Variants in NTRK3 observed in about 807,000 individuals in gnomAD.
NTRK3 encodes the protein NT-3 growth factor receptor.
A neutral mutation model predicts 91.7 loss-of-function variants in NTRK3; 24 were observed. The ratio of observed to expected loss-of-function variants is 0.26; its 90% CI spans 0.19 to 0.37. The LOEUF (loss-of-function observed/expected upper bound fraction) is 0.37, where lower values mean the gene tolerates loss of function less well. Ranked by LOEUF, NTRK3 falls within the 10% of genes least tolerant of loss-of-function variation. NTRK3 has a pLI of 1.00. For synonymous variants in NTRK3, 483 were observed against 404.0 expected (o/e 1.20, Z -2.34); for missense variants, 880 against 1,068.9 (o/e 0.82, Z 2.46).
chr15:88,081,110 G>A (rs1324461364), intron 13 of NTRK3, among the ~76,000 whole-genome samples: 3 of 152,150 alleles, frequency 2.0e-5, no homozygotes, highest in African/African-American at 7.2e-5. Context: ...CAGCTGCTTG[G>A]GTTGGAAAGA....
chr15:87,940,883 G>A, intron 14 of NTRK3, 130 bp from the exon 15 acceptor site: 1 of 1,203,084 alleles, frequency 8.3e-7, no homozygotes, highest in African/African-American at 1.5e-5. Context: ...GCAAACTCTA[G>A]CACACCAGCT....
chr15:87,990,705 CA>C (rs926774245), intron 14 of NTRK3, among the ~76,000 whole-genome samples: 1 of 152,144 alleles, frequency 6.6e-6, no homozygotes, highest in African/African-American at 2.4e-5. Flanking sequence ...CCTGTCTCTT[CA>C]ACATCTTCTG....
chr15:87,958,333 C>A lies in NTRK3; in HGVS notation c.1586-17580G>T, dbSNP rs146840615. On this transcript the variant is annotated intron_variant, in intron 14 of 18. Coordinates refer to ENST00000394480, the Ensembl canonical transcript of NTRK3. Reference sequence around the variant, plus strand: ...ACCTCAACTCTGAGCATCCTTAGGACGGAATGTCTATTCAGGGTGGAGCTC... The same window carrying A: ...ACCTCAACTCTGAGCATCCTTAGGAAGGAATGTCTATTCAGGGTGGAGCTC... 5.6e-4 allele frequency among the ~76,000 whole-genome samples: 85 copies of A among 152,200 alleles called. No homozygotes were observed. In the East Asian group the frequency reaches 0.015, roughly 26 times the overall value.
chr15:88,107,753 T>C (rs779768626), intron 13 of NTRK3, among the ~76,000 whole-genome samples: 3 of 152,038 alleles, frequency 2.0e-5, no homozygotes, highest in Non-Finnish European at 2.9e-5. Flanking sequence ...CTGCAGGGAA[T>C]AGCAACATAA....
At chr15:87,875,201 A>C (rs533298252) in exon 19 of NTRK3, 1 of 230,808 alleles carries the variant, frequency 4.3e-6, no homozygotes, top group Admixed American at 5.7e-5. Context: ...GGCCCCCGGG[A>C]GGTGAGCTCC....
intron 17 of NTRK3, among the ~76,000 whole-genome samples, chr15:87,918,720 C>T (rs565879658): frequency 6.6e-6 from 1 of 152,300 alleles, no homozygotes; most frequent in African/African-American, 2.4e-5. Flanking sequence ...AGCACATGGA[C>T]AAGGAATTGA....
At chr15:87,969,965 A>G (rs1015221515) in intron 14 of NTRK3, among the ~76,000 whole-genome samples, 6 of 152,186 alleles carry the variant, frequency 3.9e-5, no homozygotes, top group African/African-American at 1.4e-4. Context: ...TATACACAAC[A>G]TATTCAGAGA....
chr15:87,870,657 C>T (rs2064806445), exon 19 of NTRK3: 2 of 216,910 alleles, frequency 9.2e-6, no homozygotes, highest in Non-Finnish European at 1.9e-5. Flanking sequence ...AGTATTTGAG[C>T]TCTCAATCTA....
chr15:87,871,413 G>C (rs2064824716), exon 19 of NTRK3: 2 of 230,646 alleles, frequency 8.7e-6, no homozygotes, highest in Non-Finnish European at 1.7e-5. Flanking sequence ...GTGCCTTTCA[G>C]AAAGAGCAAT....
At chr15:88,051,516 T>C (rs1384533102) in intron 13 of NTRK3, among the ~76,000 whole-genome samples, 3 of 152,208 alleles carry the variant, frequency 2.0e-5, no homozygotes, top group Non-Finnish European at 4.4e-5. Context: ...GAGGAGCATG[T>C]CTCAGTCAAA....
chr15:88,214,081 A>T (rs1364435748), intron 3 of NTRK3, among the ~76,000 whole-genome samples: 1 of 39,088 alleles, frequency 2.6e-5, no homozygotes, highest in Non-Finnish European at 7.2e-5. Flanking sequence ...TCTGTCTCAA[A>T]AAAGAAAAAA....
At chr15:88,106,016 T>C (rs746987409) in intron 13 of NTRK3, among the ~76,000 whole-genome samples, 27 of 152,270 alleles carry the variant, frequency 1.8e-4, no homozygotes, top group Non-Finnish European at 2.4e-4. Context: ...GCTGCCTCCA[T>C]TGCACTCTGT....
rs1444561438 is a variant in NTRK3, at chr15:88,096,399, GA to G, written c.1396+29871del. 3.9e-5 allele frequency among the ~76,000 whole-genome samples: 6 copies of G among 152,132 alleles called. No homozygotes were observed. The East Asian group carries it at 9.6e-4, about 24-fold the overall frequency. Reference sequence around the variant, plus strand: ...TATCAACCAAGGATGACCTGGTTGGGAAAAGCCCCACTGGAGAAGACCCTAC... The same window carrying G: ...TATCAACCAAGGATGACCTGGTTGGGAAAGCCCCACTGGAGAAGACCCTAC... On this transcript the variant is annotated intron_variant, in intron 13 of 18. Transcript: ENST00000394480.
chr15:87,904,298 A>G (rs184075049), intron 17 of NTRK3, among the ~76,000 whole-genome samples: 1 of 152,004 alleles, frequency 6.6e-6, no homozygotes, highest in East Asian at 1.9e-4. Context: ...TTACAGGCAC[A>G]TGCCACCACG....
intron 14 of NTRK3, among the ~76,000 whole-genome samples, chr15:87,941,246 T>C (rs2069813196): frequency 6.6e-6 from 1 of 152,134 alleles, no homozygotes; most frequent in Non-Finnish European, 1.5e-5. Flanking sequence ...GAGAATCAGG[T>C]TGGAATCCTG....
chr15:88,115,653 A>C (rs2051967469), intron 13 of NTRK3, among the ~76,000 whole-genome samples: 1 of 151,928 alleles, frequency 6.6e-6, no homozygotes, highest in African/African-American at 2.4e-5. Flanking sequence ...TCCAGGACTT[A>C]TCAGTCCTGG....
intron 14 of NTRK3, among the ~76,000 whole-genome samples, chr15:87,955,800 C>T (rs897333261): frequency 3.3e-5 from 5 of 152,162 alleles, no homozygotes; most frequent in African/African-American, 1.2e-4. Flanking sequence ...AGGTGCCAAC[C>T]AGGGCTCTCC....
chr15:88,197,298 T>A lies in NTRK3; in HGVS notation c.249-12999A>T, dbSNP rs1236611921. ...TATTGCAAGTAACTTCCCTTGTCTT[T>A]TTATTTCTACAGCTTCTATCTTAGA... On this transcript the variant is annotated intron_variant, in intron 3 of 18. Coordinates refer to ENST00000394480, the Ensembl canonical transcript of NTRK3. Among the ~76,000 whole-genome samples, 6 of 152,120 alleles carry A rather than the reference T, an allele frequency of 3.9e-5. No homozygotes were observed. In the East Asian group the frequency reaches 1.2e-3, roughly 29 times the overall value.
intron 18 of NTRK3, 124 bp downstream of exon 19, chr15:87,880,146 G>C: frequency 8.3e-7 from 1 of 1,201,334 alleles, no homozygotes; most frequent in Non-Finnish European, 1.2e-6. Flanking sequence ...TCCCACTAAT[G>C]CCTGCATTCA....
Sources: allele counts gnomAD v4.1 joint callset (sites outside exome capture counted in the v4.1 genomes callset), GRCh38; gene constraint gnomAD v4.1.1; transcripts MANE v1.5; gene names NCBI Gene and HGNC (gene_info 2026-07-23, HGNC 2026-07-21).